Variants in CCDC102B observed in about 807,000 individuals in gnomAD.
The protein encoded by CCDC102B is coiled-coil domain-containing protein 102B.
In CCDC102B, 75 loss-of-function variants were observed where a neutral mutation model predicts 57.4. The observed-to-expected ratio is 1.31, with a 90% CI of 1.08 to 1.58. The LOEUF (loss-of-function observed/expected upper bound fraction) is 1.58. Ranked by LOEUF, CCDC102B falls within the 40% of genes most tolerant of loss-of-function variation. The pLI, the probability that CCDC102B is intolerant of heterozygous loss-of-function variation, is 0.00. For synonymous variants in CCDC102B, 206 were observed against 201.9 expected (o/e 1.02, Z -0.17); for missense variants, 636 against 582.6 (o/e 1.09, Z -0.94).
intron 2 of CCDC102B, among the ~76,000 whole-genome samples, chr18:68,774,514 A>G (rs1484367347): frequency 6.6e-6 from 1 of 152,048 alleles, no homozygotes; most frequent in Non-Finnish European, 1.5e-5. Flanking sequence ...CTTTATCTGT[A>G]ATATACACAC....
chr18:68,928,110 A>G (rs1305252146), intron 6 of CCDC102B, among the ~76,000 whole-genome samples: 2 of 151,866 alleles, frequency 1.3e-5, no homozygotes, highest in Non-Finnish European at 2.9e-5. Flanking sequence ...TAAAGTGGTG[A>G]TTATACTGTA....
chr18:68,741,718 A>G (rs2033401161), intron 2 of CCDC102B, among the ~76,000 whole-genome samples: 1 of 149,154 alleles, frequency 6.7e-6, no homozygotes, highest in East Asian at 2.0e-4. Context: ...CACACACCCC[A>G]AGACAATATA....
intron 6 of CCDC102B, among the ~76,000 whole-genome samples, chr18:68,914,974 G>GGAGAGAGA (rs59012789): frequency 1.4e-5 from 2 of 147,466 alleles, no homozygotes; most frequent in Admixed American, 6.8e-5. Flanking sequence ...ACTACTGGGG[G>GGAGAGAGA]GAGAGAGAGA....
intron 2 of CCDC102B, among the ~76,000 whole-genome samples, chr18:68,768,489 T>C (rs1568240482): frequency 6.6e-6 from 1 of 152,204 alleles, no homozygotes; most frequent in Non-Finnish European, 1.5e-5. Flanking sequence ...ATTGATCTTA[T>C]ATTCTCTTAT....
intron 7 of CCDC102B, among the ~76,000 whole-genome samples, chr18:69,025,087 C>T (rs577447232): frequency 6.6e-6 from 1 of 151,988 alleles, no homozygotes; most frequent in South Asian, 2.1e-4. Flanking sequence ...TTATTCTACT[C>T]ATGAAGTAAA....
intron 6 of CCDC102B, among the ~76,000 whole-genome samples, chr18:68,914,312 T>A (rs1436820926): frequency 3.9e-5 from 6 of 152,124 alleles, no homozygotes; most frequent in Non-Finnish European, 7.4e-5. Flanking sequence ...TAAATGGTCC[T>A]AGGCTGAGTG....
At chr18:68,815,954 G>A (rs2036457436) in intron 1 of CCDC102B, among the ~76,000 whole-genome samples, 1 of 151,878 alleles carries the variant, frequency 6.6e-6, no homozygotes, top group African/African-American at 2.4e-5. Context: ...TAGATAATTT[G>A]GAAAAAGGAT....
intron 1 of CCDC102B, among the ~76,000 whole-genome samples, chr18:68,800,873 A>G (rs2035824555): frequency 6.6e-6 from 1 of 152,204 alleles, no homozygotes; most frequent in African/African-American, 2.4e-5. Context: ...TTATTTATTA[A>G]CATGTTTTCC....
At chr18:68,885,426 A>T (rs1212165694) in intron 5 of CCDC102B, among the ~76,000 whole-genome samples, 1 of 152,060 alleles carries the variant, frequency 6.6e-6, no homozygotes, top group Non-Finnish European at 1.5e-5. Flanking sequence ...AATACCAAAA[A>T]GACAGAGCAA....
intron 7 of CCDC102B, among the ~76,000 whole-genome samples, chr18:69,050,512 A>T (rs1281021478): frequency 6.6e-6 from 1 of 152,164 alleles, no homozygotes; most frequent in Non-Finnish European, 1.5e-5. Context: ...CCATAATTAC[A>T]TTTCACATTA....
At chr18:68,835,309 G>A (rs531564680) in intron 1 of CCDC102B, among the ~76,000 whole-genome samples, 40 of 152,186 alleles carry the variant, frequency 2.6e-4, no homozygotes, top group African/African-American at 8.2e-4. Context: ...ATTTCTAAGC[G>A]ATAGTCATAA....
downstream of CCDC102B, among the ~76,000 whole-genome samples, chr18:69,057,550 G>A (rs979432040): frequency 1.3e-5 from 2 of 151,992 alleles, no homozygotes; most frequent in Non-Finnish European, 2.9e-5. Flanking sequence ...TGGCTTTCAG[G>A]AGGATTGCTG....
intron 2 of CCDC102B, among the ~76,000 whole-genome samples, chr18:68,760,907 G>A (rs2034232897): frequency 6.6e-6 from 1 of 151,984 alleles, no homozygotes; most frequent in Non-Finnish European, 1.5e-5. Context: ...TCTTCATCCT[G>A]GAGTAAGAGC....
intron 6 of CCDC102B, among the ~76,000 whole-genome samples, chr18:68,964,040 A>G (rs368824391): frequency 6.6e-6 from 1 of 151,984 alleles, no homozygotes; most frequent in East Asian, 1.9e-4. Flanking sequence ...CAGAATAACA[A>G]ATGGTGTCTG....
intron 7 of CCDC102B, among the ~76,000 whole-genome samples, chr18:69,047,321 CT>C (rs2052592584): frequency 6.6e-6 from 1 of 152,048 alleles, no homozygotes; most frequent in African/African-American, 2.4e-5. Flanking sequence ...ACAGAAAACA[CT>C]TTCAATAAAA....
intron 7 of CCDC102B, among the ~76,000 whole-genome samples, chr18:69,038,404 A>G (rs2052350320): frequency 6.6e-6 from 1 of 152,024 alleles, no homozygotes; most frequent in Non-Finnish European, 1.5e-5. Flanking sequence ...TAATGAATAA[A>G]ACATGAATAT....
At chr18:69,006,297 G>T (rs907031818) in intron 6 of CCDC102B, among the ~76,000 whole-genome samples, 8 of 152,002 alleles carry the variant, frequency 5.3e-5, no homozygotes, top group Non-Finnish European at 8.8e-5. Context: ...TAACACGTAC[G>T]GAAAGAACAA....
At chr18:68,865,274 A>T (rs1568298182) in intron 4 of CCDC102B, among the ~76,000 whole-genome samples, 1 of 152,044 alleles carries the variant, frequency 6.6e-6, no homozygotes, top group Non-Finnish European at 1.5e-5. Context: ...TATTTTCGCA[A>T]ATAGATGCTG....
chr18:68,999,205 T>C (rs1367724633), intron 6 of CCDC102B, among the ~76,000 whole-genome samples: 2 of 151,848 alleles, frequency 1.3e-5, no homozygotes, highest in African/African-American at 4.8e-5. Context: ...ATAAAGAAAC[T>C]GCAGAAAGCT....
Sources: allele counts gnomAD v4.1 joint callset (sites outside exome capture counted in the v4.1 genomes callset), GRCh38; gene constraint gnomAD v4.1.1; transcripts MANE v1.5; gene names NCBI Gene and HGNC (gene_info 2026-07-23, HGNC 2026-07-21).